Variants in CPQ observed in about 807,000 individuals in gnomAD.
CPQ encodes the protein Ser-Met dipeptidase.
In CPQ, 37 loss-of-function variants were observed where a neutral mutation model predicts 45.7. The observed-to-expected ratio is 0.81, with a 90% CI of 0.62 to 1.07. CPQ has a LOEUF of 1.07. Among genes scored for constraint, CPQ ranks in the 50% least tolerant of loss-of-function variants. The probability of loss-of-function intolerance (pLI) is 0.00; values close to 1 mark genes in which losing one functional copy is unlikely to be tolerated. For missense variants in CPQ, 537 were observed against 572.9 expected (o/e 0.94, Z 0.64); for synonymous variants, 186 against 205.8 (o/e 0.90, Z 0.82).
At chr8:96,762,446 G>T (rs1432038496) in intron 1 of CPQ, among the ~76,000 whole-genome samples, 1 of 152,160 alleles carries the variant, frequency 6.6e-6, no homozygotes, top group Non-Finnish European at 1.5e-5. Flanking sequence ...GTAACACATA[G>T]TAGCCTCTCA....
chr8:96,652,124 T>A (rs1298725898), intron 1 of CPQ, among the ~76,000 whole-genome samples: 2 of 152,208 alleles, frequency 1.3e-5, no homozygotes, highest in Non-Finnish European at 2.9e-5. Context: ...GCATTCCCCA[T>A]TTTCCCCAAC....
At chr8:96,690,024 T>A (rs1809284894) in intron 1 of CPQ, among the ~76,000 whole-genome samples, 1 of 152,156 alleles carries the variant, frequency 6.6e-6, no homozygotes, top group African/African-American at 2.4e-5. Flanking sequence ...TCTCTCCTGT[T>A]TATGAGCTCT....
At chr8:96,813,987 T>TACATATATATACAC (rs751122800) in intron 2 of CPQ, among the ~76,000 whole-genome samples, 1 of 102,330 alleles carries the variant, frequency 9.8e-6, no homozygotes, top group Non-Finnish European at 2.2e-5. Flanking sequence ...GTCATATATA[T>TACATATATATACAC]ACATATATAT....
chr8:96,772,444 G>T (rs1271064252), intron 1 of CPQ, among the ~76,000 whole-genome samples: 1 of 152,054 alleles, frequency 6.6e-6, no homozygotes, highest in Admixed American at 6.6e-5. Flanking sequence ...ATTGAGTTTG[G>T]GGTGTCTGTG....
intron 1 of CPQ, among the ~76,000 whole-genome samples, chr8:96,764,405 C>A (rs879662874): frequency 5.9e-5 from 9 of 152,226 alleles, no homozygotes; most frequent in Admixed American, 3.9e-4. Flanking sequence ...GCCTGAAGAA[C>A]CTTCTGGGAG....
intron 4 of CPQ, among the ~76,000 whole-genome samples, chr8:96,928,098 A>G (rs985729406): frequency 3.3e-5 from 5 of 152,184 alleles, no homozygotes; most frequent in African/African-American, 1.2e-4. Context: ...TTTACAACCA[A>G]CCAATTACTC....
At chr8:96,747,907 G>C (rs781285792) in intron 1 of CPQ, among the ~76,000 whole-genome samples, 7 of 152,184 alleles carry the variant, frequency 4.6e-5, no homozygotes, top group Non-Finnish European at 8.8e-5. Context: ...GGATGATGTA[G>C]ATTCTAAGGT....
intron 4 of CPQ, among the ~76,000 whole-genome samples, chr8:96,960,282 G>T (rs530891480): frequency 6.6e-6 from 1 of 152,238 alleles, no homozygotes; most frequent in Non-Finnish European, 1.5e-5. Flanking sequence ...TTATAAGGAG[G>T]ACACTATCTT....
chr8:96,859,349 T>C (rs1409529354), intron 3 of CPQ, among the ~76,000 whole-genome samples: 1 of 152,210 alleles, frequency 6.6e-6, no homozygotes, highest in African/African-American at 2.4e-5. Flanking sequence ...CTTCTGAACA[T>C]GACAAATAAC....
intron 3 of CPQ, among the ~76,000 whole-genome samples, chr8:96,865,735 A>G (rs972581370): frequency 5.9e-5 from 9 of 152,020 alleles, no homozygotes; most frequent in African/African-American, 2.2e-4. Flanking sequence ...GGAGAGGTTA[A>G]ATTTTTTCTA....
chr8:96,908,390 G>C (rs2130902413), intron 4 of CPQ, among the ~76,000 whole-genome samples: 1 of 152,246 alleles, frequency 6.6e-6, no homozygotes, highest in Non-Finnish European at 1.5e-5. Flanking sequence ...ATGTAGACTG[G>C]AGGTTGGCAT....
chr8:96,843,173 T>C (rs1037992884), intron 3 of CPQ, among the ~76,000 whole-genome samples: 3 of 152,164 alleles, frequency 2.0e-5, no homozygotes, highest in Admixed American at 6.5e-5. Context: ...CCCAAAGTAC[T>C]GAGATTACAG....
intron 4 of CPQ, among the ~76,000 whole-genome samples, chr8:96,937,529 TG>T (rs769628279): frequency 6.6e-6 from 1 of 152,156 alleles, no homozygotes; most frequent in Non-Finnish European, 1.5e-5. Context: ...ATAGTAGTAC[TG>T]GAAGTCTGCC....
At chr8:96,665,858 A>G (rs1209458880) in intron 1 of CPQ, among the ~76,000 whole-genome samples, 1 of 152,204 alleles carries the variant, frequency 6.6e-6, no homozygotes, top group East Asian at 1.9e-4. Context: ...TTTATTTGCA[A>G]CATCCATATA....
intron 1 of CPQ, among the ~76,000 whole-genome samples, chr8:96,734,371 A>G (rs541357910): frequency 5.3e-5 from 8 of 152,262 alleles, no homozygotes; most frequent in East Asian, 1.9e-4. Flanking sequence ...CCATGTTGCA[A>G]CCTGTTTTGT....
chr8:96,848,686 G>A (rs1245204080), intron 3 of CPQ, among the ~76,000 whole-genome samples: 2 of 152,076 alleles, frequency 1.3e-5, no homozygotes, highest in African/African-American at 4.8e-5. Context: ...TACAATTTTA[G>A]GATTGTTGTC....
chr8:96,981,227 A>AT (rs999635594), intron 5 of CPQ, among the ~76,000 whole-genome samples: 29 of 152,346 alleles, frequency 1.9e-4, no homozygotes, highest in African/African-American at 6.3e-4. Context: ...ATCCTCATGC[A>AT]TAAAAAACCA....
chr8:97,053,044 A>ACAT (rs1314910944), intron 6 of CPQ, among the ~76,000 whole-genome samples: 1 of 152,192 alleles, frequency 6.6e-6, no homozygotes, highest in Non-Finnish European at 1.5e-5. Context: ...ATGAGTAACC[A>ACAT]CATCATCATC....
intron 1 of CPQ, among the ~76,000 whole-genome samples, chr8:96,677,991 G>A (rs1389148362): frequency 6.6e-6 from 1 of 151,856 alleles, no homozygotes; most frequent in Admixed American, 6.6e-5. Flanking sequence ...AATATATTTG[G>A]CTTTCTTTCT....
Sources: allele counts gnomAD v4.1 joint callset (sites outside exome capture counted in the v4.1 genomes callset), GRCh38; gene constraint gnomAD v4.1.1; transcripts MANE v1.5; gene names NCBI Gene and HGNC (gene_info 2026-07-23, HGNC 2026-07-21).